TUBG2: variants seen among roughly 807,000 people sequenced by gnomAD.
TUBG2 encodes tubulin gamma-2 chain.
TUBG2 carries 39 observed loss-of-function variants against 55.1 expected under a neutral mutation model. The ratio of observed to expected loss-of-function variants is 0.71; its 90% CI spans 0.55 to 0.93. The LOEUF (loss-of-function observed/expected upper bound fraction) is 0.93. Among genes scored for constraint, TUBG2 ranks in the 40% least tolerant of loss-of-function variants. The pLI is 0.00. For synonymous variants in TUBG2, 223 were observed against 241.0 expected (o/e 0.93, Z 0.69); for missense variants, 358 against 599.1 (o/e 0.60, Z 4.20).
At chr17:42,662,605 CAA>C (rs564563184) in intron 4 of TUBG2, among the ~76,000 whole-genome samples, 2 of 115,352 alleles carry the variant, frequency 1.7e-5, no homozygotes, top group Non-Finnish European at 1.8e-5. Context: ...GACTCCGTCT[CAA>C]AAAAAAAAAA....
chr17:42,663,365 C>T lies in TUBG2; in HGVS notation c.480-12C>T. Reference sequence around the variant, plus strand: ...TTCCGGTTCACTATGCCACCATCCTCTTTTCTCTCAGGTACCCCAAGAAGC... The same window carrying T: ...TTCCGGTTCACTATGCCACCATCCTTTTTTCTCTCAGGTACCCCAAGAAGC... On this transcript the variant is annotated splice_polypyrimidine_tract_variant and intron_variant, in intron 5 of 10. Transcript: ENST00000251412. 6.2e-7 allele frequency: 1 copy of T among 1,614,060 alleles called. No homozygotes were observed. Among genetic ancestry groups the T allele is most frequent in the South Asian group, 1.1e-5 (1 of 91,066 alleles).
rs2052517045 is a variant in TUBG2, at chr17:42,665,743, C to A, written c.759C>A (p.Leu253=). ...LRYPGYMNND[L]IGLIASLIPT... ...ACCCCGGCTACATGAACAATGACCT[C>A]ATCGGCCTCATCGCCTCGCTCATTC... is the stretch of plus-strand genomic sequence containing the variant. The change falls in exon 8 of 11, where the codon CTC becomes CTA. Residue 253 remains leucine, a synonymous_variant. Coordinates refer to ENST00000251412, the MANE Select transcript of TUBG2 (RefSeq NM_016437.3). 1.2e-6 allele frequency: 2 copies of A among 1,614,102 alleles called. No individual in the cohort carries two copies. The highest frequency in any genetic ancestry group is 2.7e-5 in the African/African-American group (2 of 74,936).
chr17:42,659,531 C>T lies in TUBG2; in HGVS notation c.28C>T (p.Leu10=), dbSNP rs2052331851. The T allele has an allele frequency of 1.9e-6, 3 of 1,552,486 alleles. No individual in the cohort carries two copies. Among genetic ancestry groups the T allele is most frequent in the Admixed American group, 3.9e-5 (2 of 51,042 alleles). ...GCCCCGGGAGATCATCACCCTGCAG[C>T]TGGGCCAGTGCGGCAACCAGAGTGA... MPREIITLQ[L]GQCGNQIGFE... The change falls in exon 1 of 11, where the codon CTG becomes TTG. Residue 10 remains leucine, a synonymous_variant. Coordinates refer to ENST00000251412, the MANE Select transcript of TUBG2 (RefSeq NM_016437.3).
At position 42,666,313 on chromosome 17, in the gene TUBG2, C is replaced by T; in HGVS notation, c.997-10C>T. On this transcript the variant is annotated splice_polypyrimidine_tract_variant and intron_variant, in intron 9 of 10. Coordinates refer to ENST00000251412, the MANE Select transcript of TUBG2 (RefSeq NM_016437.3). ...AGAGGCCACCTCCACTGCTCCTATG[C>T]CCACCCCAGGTCCACAAGAGCCTGC... 1 of 1,614,200 alleles carries T rather than the reference C, an allele frequency of 6.2e-7. No homozygotes were observed.
chr17:42,665,369 T>C (rs549905610), intron 6 of TUBG2, 107 bp from the exon 7 acceptor site: 1 of 1,563,742 alleles, frequency 6.4e-7, no homozygotes, highest in Admixed American at 1.7e-5. Flanking sequence ...TTTTTTAAAC[T>C]AACAAACCTA....
Position 42,663,007 on chromosome 17 carries a change from C to T in TUBG2, c.434C>T (p.Thr145Met), listed in dbSNP as rs756925189. 1.5e-5 allele frequency: 24 copies of T among 1,613,956 alleles called. No individual in the cohort carries two copies. The highest frequency in any genetic ancestry group is 3.3e-5 in the South Asian group (3 of 91,080). ...CTGTGTCACTCCATCGCTGGGGGTACGGGTTCTGGCCTGGGCTCCTACCTC... is the reference window on the plus strand; with the variant it reads ...CTGTGTCACTCCATCGCTGGGGGTATGGGTTCTGGCCTGGGCTCCTACCTC... Reference protein sequence around the residue: ...FVLCHSIAGGTGSGLGSYLLE... With the variant: ...FVLCHSIAGGMGSGLGSYLLE... Residue 145 changes from threonine to methionine, a missense_variant, in exon 5 of 11, where the codon ACG becomes ATG. Transcript: ENST00000251412.
rs994506597 is a variant in TUBG2 at position 42,666,998 on chromosome 17, G to A, written c.*198G>A. On this transcript the variant is annotated 3_prime_UTR_variant, in exon 11 of 11. Coordinates refer to ENST00000251412, the MANE Select transcript of TUBG2 (RefSeq NM_016437.3). Reference sequence around the variant, plus strand: ...TCTAATAAAGTAATAAAGCTTGGTTGTCAGTATAGCCAGGGCTTGATCTGT... The same window carrying A: ...TCTAATAAAGTAATAAAGCTTGGTTATCAGTATAGCCAGGGCTTGATCTGT... 1 of 595,968 alleles carries A rather than the reference G, an allele frequency of 1.7e-6. No individual in the cohort carries two copies. Among genetic ancestry groups the A allele is most frequent in the Non-Finnish European group, 2.9e-6 (1 of 342,260 alleles). 36.9% of individuals were successfully genotyped at this position (595,968 alleles called of 1,614,324 possible). A position where few individuals can be genotyped will look rare whatever the true frequency, so the allele number is the denominator to read the frequency against.
Position 42,662,964 on chromosome 17 carries a change from T to A in TUBG2, c.400-9T>A. On this transcript the variant is annotated splice_polypyrimidine_tract_variant and intron_variant, in intron 4 of 10. Transcript: ENST00000251412. The stretch of plus-strand genomic sequence containing the variant: ...GAAACTGAGTCTGTTTATTCCTGTA[T>A]ACACACAGGGCTTCGTGCTGTGTCA... 1 of 1,613,744 alleles carries A rather than the reference T, an allele frequency of 6.2e-7. No individual in the cohort carries two copies.
intron 5 of TUBG2, 138 bp from the exon 6 acceptor site, chr17:42,663,239 G>C: frequency 1.4e-6 from 2 of 1,407,670 alleles, no homozygotes; most frequent in South Asian, 2.7e-5. Context: ...GATCTACAGA[G>C]TTTGAAGCTT....
Position 42,663,523 on chromosome 17 carries a change from A to G in TUBG2, c.606+20A>G, listed in dbSNP as rs1369080999. 1 of 1,613,118 alleles carries G rather than the reference A, an allele frequency of 6.2e-7. No homozygotes were observed. Among genetic ancestry groups the G allele is most frequent in the Non-Finnish European group, 8.5e-7 (1 of 1,179,484 alleles). Reference sequence around the variant, plus strand: ...TGTGTGGTGAGCAAAGAAAGAGTTGAGGGGCTGGGTGTGGTGGCTCATGCC... The same window carrying G: ...TGTGTGGTGAGCAAAGAAAGAGTTGGGGGGCTGGGTGTGGTGGCTCATGCC... On this transcript the variant is annotated intron_variant, in intron 6 of 10. Transcript: ENST00000251412.
chr17:42,663,196 TG>T (rs2052430229), intron 5 of TUBG2, 144 bp downstream of exon 5: 2 of 1,248,802 alleles, frequency 1.6e-6, no homozygotes, highest in Non-Finnish European at 2.2e-6. Context: ...GAAGCTATTT[TG>T]GGGGGTGGGG....
intron 6 of TUBG2, among the ~76,000 whole-genome samples, chr17:42,664,046 C>T (rs374561776): frequency 1.3e-5 from 2 of 151,652 alleles, no homozygotes; most frequent in African/African-American, 2.4e-5. Context: ...GCAAAGGTTG[C>T]GGTGAGTCAA....
In TUBG2 at chr17:42,659,431, C is replaced by T. The variant is rs2052328473; in HGVS notation, c.-73C>T. 2.7e-6 allele frequency: 4 copies of T among 1,488,734 alleles called. No homozygotes were observed. The African/African-American group carries it at 5.6e-5, about 21-fold the overall frequency. The allele number at this position is 1,488,734 out of a possible 1,614,324, so 92.2% of individuals were successfully genotyped here. Reference sequence around the variant, plus strand: ...GCGCGCGCTCCCCACGTCCTGCGCTCCTGGCTGCCGGGCATTCGTCTCAGC... The same window carrying T: ...GCGCGCGCTCCCCACGTCCTGCGCTTCTGGCTGCCGGGCATTCGTCTCAGC... On this transcript the variant is annotated 5_prime_UTR_variant, in exon 1 of 11. Transcript: ENST00000251412.
chr17:42,660,249 C>T lies in TUBG2; in HGVS notation c.263C>T (p.Pro88Leu), dbSNP rs1017174247. 6 of 1,613,720 alleles carry T rather than the reference C, an allele frequency of 3.7e-6. No individual in the cohort carries two copies. In the African/African-American group the frequency reaches 5.4e-5, roughly 14 times the overall value. Reference sequence around the variant, plus strand: ...TCCCCCTATGCCAAGCTCTACAACCCAGAGAACATCTACCTGTCGGAACAT... The same window carrying T: ...TCCCCCTATGCCAAGCTCTACAACCTAGAGAACATCTACCTGTCGGAACAT... ...LNSPYAKLYN[P>L]ENIYLSEHGG... The change falls in exon 3 of 11, where the codon CCA becomes CTA. Residue 88 changes from proline (P) to leucine (L), a missense_variant. Coordinates refer to ENST00000251412, the MANE Select transcript of TUBG2 (RefSeq NM_016437.3).
intron 3 of TUBG2, 150 bp downstream of exon 3, chr17:42,660,466 A>C (rs547281604): frequency 7.1e-7 from 1 of 1,407,086 alleles, no homozygotes; most frequent in Non-Finnish European, 9.8e-7. Context: ...GTTTATGCAA[A>C]TTTTGTGCAA....
chr17:42,662,432 C>A (rs1431354885), intron 4 of TUBG2, among the ~76,000 whole-genome samples: 1 of 152,040 alleles, frequency 6.6e-6, no homozygotes, highest in Non-Finnish European at 1.5e-5. Context: ...ATGGTGAAAC[C>A]CCGTATCTAC....
At chr17:42,662,127 A>G (rs1243393433) in intron 4 of TUBG2, among the ~76,000 whole-genome samples, 2 of 152,228 alleles carry the variant, frequency 1.3e-5, no homozygotes, top group Non-Finnish European at 2.9e-5. Flanking sequence ...CAACATGGTG[A>G]AACCCCATCT....
chr17:42,662,915 T>G, intron 4 of TUBG2, 58 bp from the exon 5 acceptor site: 1 of 1,547,216 alleles, frequency 6.5e-7, no homozygotes, highest in Non-Finnish European at 8.9e-7. Context: ...GGTATCAGAA[T>G]TGTGTTGTGA....
chr17:42,660,457 T>C (rs1273333023), intron 3 of TUBG2, 141 bp downstream of exon 3: 18 of 1,437,488 alleles, frequency 1.3e-5, no homozygotes, highest in Non-Finnish European at 1.7e-5. Flanking sequence ...CAGGGAGAGG[T>C]TTATGCAAAT....
Sources: gnomAD v4.1 joint callset for allele counts (sites outside exome capture counted in the v4.1 genomes callset) on GRCh38, gnomAD v4.1.1 for gene constraint, MANE v1.5 for transcripts, NCBI Gene and HGNC (gene_info 2026-07-23, HGNC 2026-07-21) for gene names.